BANF2: variants seen among roughly 807,000 people sequenced by gnomAD.
BANF2 encodes BANF family member 2.
A neutral mutation model predicts 8.0 loss-of-function variants in BANF2; 4 were observed. The observed-to-expected ratio is 0.50, with a 90% CI of 0.25 to 1.14. The LOEUF is 1.14. Among genes scored for constraint, BANF2 ranks in the 50% most tolerant of loss-of-function variants. BANF2 has a pLI of 0.16. For missense variants in BANF2, 96 were observed against 107.5 expected, an observed-to-expected ratio of 0.89 and a Z score of 0.47; for synonymous variants, 50 against 40.6, an observed-to-expected ratio of 1.23 and a Z score of -0.88.
At chr20:17,708,204 G>T (rs116148428) in intron 1 of BANF2, among the ~76,000 whole-genome samples, 1 of 151,976 alleles carries the variant, frequency 6.6e-6, no homozygotes, top group South Asian at 2.1e-4. Context: ...TCTAGCCTGG[G>T]TGACAAAGTG....
chr20:17,727,324 G>A (rs923519923), intron 3 of BANF2, among the ~76,000 whole-genome samples: 3 of 152,078 alleles, frequency 2.0e-5, no homozygotes, highest in South Asian at 2.1e-4. Flanking sequence ...GCTTTGAGCC[G>A]CCCACACCCG....
intron 1 of BANF2, among the ~76,000 whole-genome samples, chr20:17,711,164 C>T (rs1306140921): frequency 6.6e-6 from 1 of 152,236 alleles, no homozygotes; most frequent in Admixed American, 6.5e-5. Context: ...GGAGAACAAA[C>T]CTCCTGGGAG....
chr20:17,718,986 G>T (rs1263553669), intron 1 of BANF2, among the ~76,000 whole-genome samples: 1 of 152,196 alleles, frequency 6.6e-6, no homozygotes, highest in Non-Finnish European at 1.5e-5. Flanking sequence ...ATGGCCAAGT[G>T]CTTAAGCTGT....
chr20:17,727,933 G>A (rs2037832623), intron 3 of BANF2, among the ~76,000 whole-genome samples: 1 of 152,108 alleles, frequency 6.6e-6, no homozygotes, highest in Admixed American at 6.5e-5. Context: ...TAGAGACACA[G>A]TTTTGCCATG....
At chr20:17,721,303 T>C (rs952184292) in intron 1 of BANF2, among the ~76,000 whole-genome samples, 45 of 151,996 alleles carry the variant, frequency 3.0e-4, no homozygotes, top group African/African-American at 1.0e-3. Context: ...CACTGGAGAG[T>C]TTCTGCGGGA....
chr20:17,723,074 C>T (rs890104362), intron 2 of BANF2, among the ~76,000 whole-genome samples, 196 bp downstream of exon 2: 2 of 152,142 alleles, frequency 1.3e-5, no homozygotes, highest in Non-Finnish European at 2.9e-5. Context: ...GTGTGGAGGA[C>T]ATTGGGTCAT....
At chr20:17,727,314 G>A (rs6034889) in intron 3 of BANF2, among the ~76,000 whole-genome samples, 37,776 of 151,888 alleles carry the variant, frequency 0.25, 5,102 homozygotes, top group East Asian at 0.48. Context: ...TGTATCCTTC[G>A]CTTTGAGCCG....
chr20:17,705,056 G>C lies in BANF2; in HGVS notation c.-167+5001G>C, dbSNP rs576276720. Reference sequence around the variant, plus strand: ...GAGGATGTGTTACCTCATTGGCCAGGCCTGGTCATGTGTGTTGTTACCTCA... The same window carrying C: ...GAGGATGTGTTACCTCATTGGCCAGCCCTGGTCATGTGTGTTGTTACCTCA... On this transcript the variant is annotated intron_variant, in intron 1 of 3. Coordinates refer to ENST00000246090, the MANE Select transcript of BANF2 (RefSeq NM_178477.5). Among the ~76,000 whole-genome samples, 244 of 128,238 alleles carry C rather than the reference G, an allele frequency of 1.9e-3. 1 individual carries two copies. The highest frequency in any genetic ancestry group is 7.8e-3 in the African/African-American group (235 of 30,310). 84.1% of individuals were successfully genotyped at this position (128,238 alleles called of 152,430 possible). A position where few individuals can be genotyped will look rare whatever the true frequency, so the allele number is the denominator to read the frequency against.
At chr20:17,716,369 C>G (rs748984467) in intron 1 of BANF2, among the ~76,000 whole-genome samples, 2 of 151,862 alleles carry the variant, frequency 1.3e-5, no homozygotes, top group Non-Finnish European at 1.5e-5. Context: ...GAGACAGGGT[C>G]TCCCCTAGGC....
At chr20:17,694,200 G>A (rs1260178566) in intron 1 of BANF2, among the ~76,000 whole-genome samples, 1 of 152,206 alleles carries the variant, frequency 6.6e-6, no homozygotes, top group African/African-American at 2.4e-5. Context: ...GGTATGGGAT[G>A]GGAGGTGGAC....
chr20:17,725,954 A>T (rs925998643), intron 3 of BANF2, among the ~76,000 whole-genome samples: 1 of 152,076 alleles, frequency 6.6e-6, no homozygotes, highest in African/African-American at 2.4e-5. Context: ...TTGCATCTAC[A>T]TCTGAACCAT....
chr20:17,697,754 A>C (rs2037358548), upstream of BANF2, among the ~76,000 whole-genome samples: 2 of 152,096 alleles, frequency 1.3e-5, no homozygotes, highest in Admixed American at 6.6e-5. Flanking sequence ...ATATGGTTTG[A>C]ATATTCGTCC....
intron 1 of BANF2, among the ~76,000 whole-genome samples, chr20:17,719,882 T>TC (rs773590509): frequency 5.1e-4 from 78 of 152,008 alleles, no homozygotes; most frequent in Non-Finnish European, 9.4e-4. Flanking sequence ...ACGCTGCAGA[T>TC]CCCCCCGCAA....
chr20:17,734,657 C>T (rs1195360144), intron 3 of BANF2, among the ~76,000 whole-genome samples: 1 of 152,162 alleles, frequency 6.6e-6, no homozygotes, highest in Non-Finnish European at 1.5e-5. Context: ...TTATGATTGT[C>T]GCTACTTGGG....
chr20:17,695,127 A>C (rs951633299), upstream of BANF2, among the ~76,000 whole-genome samples: 1 of 152,054 alleles, frequency 6.6e-6, no homozygotes, highest in South Asian at 2.1e-4. Flanking sequence ...AGCAGCTTGA[A>C]ATTTTTAAAA....
At chr20:17,696,755 G>A (rs1438066582), upstream of BANF2, among the ~76,000 whole-genome samples, 1 of 152,128 alleles carries the variant, frequency 6.6e-6, no homozygotes, top group Non-Finnish European at 1.5e-5. Context: ...ATAACTCTGG[G>A]TGCCATGTTG....
At chr20:17,718,465 G>A (rs555195653) in intron 1 of BANF2, among the ~76,000 whole-genome samples, 6 of 152,280 alleles carry the variant, frequency 3.9e-5, no homozygotes, top group South Asian at 2.1e-4. Flanking sequence ...ATGAGCTACC[G>A]CGCCCAGCCT....
At chr20:17,713,866 A>C (rs994828196) in intron 1 of BANF2, among the ~76,000 whole-genome samples, 2 of 151,930 alleles carry the variant, frequency 1.3e-5, no homozygotes, top group African/African-American at 4.8e-5. Flanking sequence ...AAATAAATAA[A>C]TGTTAAGATG....
At chr20:17,719,468 A>G (rs2037699408) in intron 1 of BANF2, among the ~76,000 whole-genome samples, 1 of 151,922 alleles carries the variant, frequency 6.6e-6, no homozygotes, top group Non-Finnish European at 1.5e-5. Flanking sequence ...TTACCTTCTT[A>G]GGCCTTGGTT....
Sources: allele counts gnomAD v4.1 joint callset (sites outside exome capture counted in the v4.1 genomes callset), GRCh38; gene constraint gnomAD v4.1.1; transcripts MANE v1.5; gene names NCBI Gene and HGNC (gene_info 2026-07-23, HGNC 2026-07-21).